ARB2A: variants seen among roughly 807,000 people sequenced by gnomAD.
ARB2A encodes the protein ARB2 cotranscriptional regulator A, also known as cotranscriptional regulator ARB2A.
chr5:93,868,104 G>A, the ARB2A span, among the ~76,000 whole-genome samples: 1 of 152,170 alleles, frequency 6.6e-6, no homozygotes, highest in Non-Finnish European at 1.5e-5. Flanking sequence ...AGGATTGCTT[G>A]AGCCCAGGAG....
the ARB2A span, among the ~76,000 whole-genome samples, chr5:94,068,922 C>T: frequency 2.7e-5 from 4 of 150,020 alleles, no homozygotes; most frequent in East Asian, 2.0e-4. Flanking sequence ...GTAATCCCAG[C>T]TACTCAGGAG....
chr5:93,830,050 A>G, the ARB2A span, among the ~76,000 whole-genome samples: 2 of 152,016 alleles, frequency 1.3e-5, no homozygotes, highest in Non-Finnish European at 2.9e-5. Flanking sequence ...GAGTGAAGAA[A>G]GATATTATCA....
At chr5:93,857,412 C>A in the ARB2A span, among the ~76,000 whole-genome samples, 5 of 152,286 alleles carry the variant, frequency 3.3e-5, no homozygotes, top group African/African-American at 1.2e-4. Context: ...GGCAGGCAGG[C>A]CTCCTTGTGC....
chr5:93,823,590 T>G, the ARB2A span, among the ~76,000 whole-genome samples: 1 of 152,064 alleles, frequency 6.6e-6, no homozygotes, highest in Admixed American at 6.6e-5. Flanking sequence ...GCAGAAACAA[T>G]AAATATCATG....
At chr5:93,703,011 A>G in the ARB2A span, among the ~76,000 whole-genome samples, 2 of 152,172 alleles carry the variant, frequency 1.3e-5, no homozygotes, top group Non-Finnish European at 2.9e-5. Flanking sequence ...AAAATGACCC[A>G]TTTATCAGCT....
the ARB2A span, among the ~76,000 whole-genome samples, chr5:93,732,609 T>C: frequency 6.6e-6 from 1 of 151,890 alleles, no homozygotes; most frequent in Admixed American, 6.6e-5. Flanking sequence ...ACCCAAACCT[T>C]AATTTTTAGC....
At chr5:93,762,793 G>A in the ARB2A span, among the ~76,000 whole-genome samples, 1 of 152,194 alleles carries the variant, frequency 6.6e-6, no homozygotes, top group Non-Finnish European at 1.5e-5. Context: ...GTTAAGAGCA[G>A]CCAGAGAGAA....
At chr5:93,942,570 A>G in the ARB2A span, among the ~76,000 whole-genome samples, 61 of 152,070 alleles carry the variant, frequency 4.0e-4, no homozygotes, top group Non-Finnish European at 4.6e-4. Context: ...AGCTGCTTGC[A>G]GTTTTATACT....
the ARB2A span, chr5:93,741,048 T>G: frequency 6.2e-7 from 1 of 1,613,898 alleles, no homozygotes; most frequent in South Asian, 1.1e-5. Flanking sequence ...TGGCGACGCT[T>G]AGCTGCTGGG....
chr5:94,048,051 CTTTTTTTT>C, the ARB2A span, among the ~76,000 whole-genome samples: 4 of 96,086 alleles, frequency 4.2e-5, no homozygotes, highest in East Asian at 7.2e-4. Context: ...AATCGGTAAG[CTTTTTTTT>C]TTTTTTTTTT....
At chr5:93,702,447 A>T in the ARB2A span, among the ~76,000 whole-genome samples, 64 of 152,238 alleles carry the variant, frequency 4.2e-4, 1 homozygote, top group East Asian at 5.0e-3. Flanking sequence ...CATAAACTTT[A>T]TATGTCGATT....
the ARB2A span, among the ~76,000 whole-genome samples, chr5:93,717,461 A>G: frequency 7.3e-6 from 1 of 136,378 alleles, no homozygotes; most frequent in Admixed American, 7.3e-5. Context: ...TTTTTTTTTT[A>G]AAGTAAAGGA....
At chr5:93,952,313 C>A in the ARB2A span, among the ~76,000 whole-genome samples, 33 of 152,292 alleles carry the variant, frequency 2.2e-4, no homozygotes, top group East Asian at 6.4e-3. Flanking sequence ...AATCACATTA[C>A]CTGACTTCCT....
chr5:93,842,389 A>G, the ARB2A span, among the ~76,000 whole-genome samples: 1 of 152,202 alleles, frequency 6.6e-6, no homozygotes. Flanking sequence ...AAAGTAGTTT[A>G]AGAAAAAATT....
the ARB2A span, among the ~76,000 whole-genome samples, chr5:93,914,490 AGT>A: frequency 6.6e-6 from 1 of 152,006 alleles, no homozygotes; most frequent in Non-Finnish European, 1.5e-5. Flanking sequence ...TTGATTAAAT[AGT>A]GAGAGAGTGA....
At chr5:93,723,203 T>G in the ARB2A span, among the ~76,000 whole-genome samples, 1 of 152,068 alleles carries the variant, frequency 6.6e-6, no homozygotes, top group Non-Finnish European at 1.5e-5. Flanking sequence ...CTTCAACAAA[T>G]CTCACCAGCT....
the ARB2A span, among the ~76,000 whole-genome samples, chr5:94,024,031 A>T: frequency 6.6e-6 from 1 of 152,236 alleles, no homozygotes; most frequent in East Asian, 1.9e-4. Flanking sequence ...CTTCACGTAG[A>T]GCCTGAGAAA....
chr5:93,874,753 A>T, the ARB2A span, among the ~76,000 whole-genome samples: 1 of 151,996 alleles, frequency 6.6e-6, no homozygotes, highest in East Asian at 1.9e-4. Flanking sequence ...GTGAAACTGA[A>T]CTCTTTAGGC....
the ARB2A span, among the ~76,000 whole-genome samples, chr5:94,013,429 G>T: frequency 6.6e-6 from 1 of 152,070 alleles, no homozygotes; most frequent in Non-Finnish European, 1.5e-5. Flanking sequence ...ACCTGCCTCA[G>T]CCTCCCAAAG....
Sources: allele counts gnomAD v4.1 joint callset (sites outside exome capture counted in the v4.1 genomes callset), GRCh38; gene constraint gnomAD v4.1.1; transcripts MANE v1.5; gene names NCBI Gene and HGNC (gene_info 2026-07-23, HGNC 2026-07-21).